The following TBC1D31 variants were observed in gnomAD, a reference collection of about 807,000 sequenced individuals.
TBC1D31 encodes the protein WD repeat domain 67.
In TBC1D31, 99 loss-of-function variants were observed where a neutral mutation model predicts 132.9. The ratio of observed to expected loss-of-function variants is 0.74; its 90% CI spans 0.63 to 0.88. TBC1D31 has a LOEUF of 0.88. Among genes scored for constraint, TBC1D31 ranks in the 40% least tolerant of loss-of-function variants. The pLI is 0.00. For missense variants in TBC1D31, 1,134 were observed against 1,256.6 expected (o/e 0.90, Z 1.48); for synonymous variants, 385 against 419.4 (o/e 0.92, Z 1.00).
At chr8:123,100,358 C>G (rs1273472805) in intron 6 of TBC1D31, among the ~76,000 whole-genome samples, 3 of 152,062 alleles carry the variant, frequency 2.0e-5, no homozygotes, top group African/African-American at 7.2e-5. Flanking sequence ...GGCAGATCAC[C>G]TGACATCAGG....
intron 7 of TBC1D31, chr8:123,102,459 C>A: frequency 2.9e-6 from 1 of 342,994 alleles, no homozygotes; most frequent in East Asian, 7.8e-5. Context: ...TAAGAATGTA[C>A]AGAATAGCAA....
intron 10 of TBC1D31, among the ~76,000 whole-genome samples, chr8:123,117,983 T>C (rs1021332535): frequency 2.0e-5 from 3 of 152,194 alleles, no homozygotes; most frequent in African/African-American, 7.2e-5. Context: ...TGCACATCAC[T>C]TTTGTGATAT....
chr8:123,088,090 G>A (rs1815958931), intron 4 of TBC1D31, among the ~76,000 whole-genome samples: 1 of 151,986 alleles, frequency 6.6e-6, no homozygotes, highest in Non-Finnish European at 1.5e-5. Flanking sequence ...TGGGGAGGCT[G>A]AGGCAGAAGA....
chr8:123,141,844 CTTTTTTTTTTTTTT>C lies in TBC1D31; in HGVS notation c.2641-400_2641-387del, dbSNP rs1160750679. ...GTAAATTAGAGTCACTTGAAGAGCT[CTTTTTTTTTTTTTT>C]TTTTTTTTTTTTTTTTTGTAGAGAT... On this transcript the variant is annotated intron_variant, in intron 18 of 21. Coordinates refer to ENST00000287380, the MANE Select transcript of TBC1D31 (RefSeq NM_145647.4). Among the ~76,000 whole-genome samples, 14 of 52,070 alleles carry C rather than the reference CTTTTTTTTTTTTTT, an allele frequency of 2.7e-4. No homozygotes were observed. In the South Asian group the frequency reaches 0.01, roughly 37 times the overall value. The allele number at this position is 52,070 out of a possible 152,430, so 34.2% of individuals were successfully genotyped here.
intron 8 of TBC1D31, 51 bp downstream of exon 8, chr8:123,105,515 C>A: frequency 6.9e-7 from 1 of 1,456,288 alleles, no homozygotes; most frequent in Non-Finnish European, 9.3e-7. Context: ...GTAGACAAGT[C>A]TTGTGATTTC....
Position 123,142,429 on chromosome 8 carries a change from T to A in TBC1D31, c.2808T>A (p.Asn936Lys). The stretch of plus-strand genomic sequence containing the variant: ...GAAGGAAAGAAATAGAGATAATAAA[T>A]GCAATGGTGGAGGAGGAAGCCAAGA... ...ENRRKEIEII[N>K]AMVEEEAKKW... Residue 936 changes from asparagine (N) to lysine (K), a missense_variant, in exon 19 of 22, where the codon AAT (asparagine) becomes AAA (lysine). Physicochemically the swap from Asn to Lys is moderately conservative, Grantham distance 94. Coordinates refer to ENST00000287380, the MANE Select transcript of TBC1D31 (RefSeq NM_145647.4). The A allele has an allele frequency of 6.3e-7, 1 of 1,592,998 alleles. No individual in the cohort carries two copies. The highest frequency in any genetic ancestry group is 1.2e-5 in the South Asian group (1 of 86,940).
chr8:123,134,573 A>C (rs1179889409), intron 17 of TBC1D31, among the ~76,000 whole-genome samples: 1 of 152,146 alleles, frequency 6.6e-6, no homozygotes, highest in Non-Finnish European at 1.5e-5. Context: ...GTATAAGCCC[A>C]TTTTAGACTG....
chr8:123,087,914 G>A (rs1815933905), intron 4 of TBC1D31, among the ~76,000 whole-genome samples: 1 of 152,226 alleles, frequency 6.6e-6, no homozygotes, highest in South Asian at 2.1e-4. Context: ...CGGGTACGGG[G>A]GCTTACGCCT....
At chr8:123,084,364 T>G in intron 4 of TBC1D31, 24 bp downstream of exon 4, 1 of 1,608,062 alleles carries the variant, frequency 6.2e-7, no homozygotes, top group Non-Finnish European at 8.5e-7. Context: ...TACATCTTGG[T>G]CTGTTGTGCT....
At chr8:123,148,532 G>A (rs1340987897) in intron 20 of TBC1D31, among the ~76,000 whole-genome samples, 1 of 151,636 alleles carries the variant, frequency 6.6e-6, no homozygotes, top group Non-Finnish European at 1.5e-5. Context: ...GAGCCCAGGA[G>A]TTCAAGACCA....
In TBC1D31 at chr8:123,082,600, A is replaced by G. The variant is rs150696820; in HGVS notation, c.225-102A>G. On this transcript the variant is annotated intron_variant, in intron 2 of 21. Transcript: ENST00000287380. Reference sequence around the variant, plus strand: ...TATTTTTGGCCTAAAATGGTAGCTCATTTTTCTGGGTTTCATTTTCTTCGT... The same window carrying G: ...TATTTTTGGCCTAAAATGGTAGCTCGTTTTTCTGGGTTTCATTTTCTTCGT... The G allele has an allele frequency of 6.6e-5, 52 of 791,920 alleles. No individual in the cohort carries two copies. In the East Asian group the frequency reaches 1.3e-3, roughly 20 times the overall value. The allele number at this position is 791,920 out of a possible 1,614,324, so 49.1% of individuals were successfully genotyped here.
At chr8:123,149,968 C>T in intron 20 of TBC1D31, 68 bp from the exon 21 acceptor site, 1 of 1,095,088 alleles carries the variant, frequency 9.1e-7, no homozygotes, top group East Asian at 2.4e-5. Context: ...TACTAGGGAC[C>T]ATTTGGAATT....
chr8:123,150,948 C>T (rs897113380), intron 21 of TBC1D31, among the ~76,000 whole-genome samples: 4 of 152,142 alleles, frequency 2.6e-5, no homozygotes, highest in East Asian at 3.8e-4. Context: ...CCCAAAAAGA[C>T]GAGCTTTATA....
At position 123,142,249 on chromosome 8, in the gene TBC1D31, AACT is replaced by A. The variant is rs1333675403; in HGVS notation, c.2641-12_2641-10del. On this transcript the variant is annotated splice_polypyrimidine_tract_variant and intron_variant, in intron 18 of 21. Coordinates refer to ENST00000287380, the MANE Select transcript of TBC1D31 (RefSeq NM_145647.4). ...GTTTGACCTTGTTTCTGAAATGTAT[AACT>A]TTTTCCTAGGTGATTAAAGAAAATT... 5 of 1,554,644 alleles carry A rather than the reference AACT, an allele frequency of 3.2e-6. No homozygotes were observed. Among genetic ancestry groups the A allele is most frequent in the Non-Finnish European group, 4.3e-6 (5 of 1,154,572 alleles).
chr8:123,106,644 TC>T (rs1236671300), intron 8 of TBC1D31, among the ~76,000 whole-genome samples: 1 of 152,188 alleles, frequency 6.6e-6, no homozygotes, highest in Non-Finnish European at 1.5e-5. Context: ...ACTTCTTTTT[TC>T]TTTAAGCATT....
chr8:123,093,224 C>T (rs1438660476), intron 4 of TBC1D31, among the ~76,000 whole-genome samples: 1 of 152,142 alleles, frequency 6.6e-6, no homozygotes, highest in Admixed American at 6.6e-5. Flanking sequence ...GCTGGGATTA[C>T]AGGTGTGAGC....
intron 11 of TBC1D31, among the ~76,000 whole-genome samples, chr8:123,120,648 GGCAAGACAGA>G (rs1819388360): frequency 6.6e-6 from 1 of 151,856 alleles, no homozygotes; most frequent in African/African-American, 2.4e-5. Flanking sequence ...CTCCAGCCTG[GGCAAGACAGA>G]GCAAGACCCC....
intron 15 of TBC1D31, 132 bp from the exon 16 acceptor site, chr8:123,130,066 T>C (rs985188080): frequency 4.4e-6 from 4 of 910,398 alleles, no homozygotes; most frequent in Middle Eastern, 2.6e-4. Flanking sequence ...GGTGGAGCAG[T>C]TCTCGCATTC....
Position 123,150,042 on chromosome 8 carries a change from C to T in TBC1D31, c.2981C>T (p.Pro994Leu), listed in dbSNP as rs1438744083. The T allele has an allele frequency of 3.7e-6, 6 of 1,613,550 alleles. No homozygotes were observed. Among genetic ancestry groups the T allele is most frequent in the Admixed American group, 3.3e-5 (2 of 59,990 alleles). ...CTCCTCACTTTTATAACAGAAGAACCCAGGTTCCAAAATGAACAGGACTCA... is the reference window on the plus strand; with the variant it reads ...CTCCTCACTTTTATAACAGAAGAACTCAGGTTCCAAAATGAACAGGACTCA... ...HAENPCHKEE[P>L]RFQNEQDSSC... The change falls in exon 21 of 22, where the codon CCC becomes CTC. Residue 994 changes from proline (P) to leucine (L), a missense_variant. Transcript: ENST00000287380.
Sources: gnomAD v4.1 joint callset for allele counts (sites outside exome capture counted in the v4.1 genomes callset) on GRCh38, gnomAD v4.1.1 for gene constraint, MANE v1.5 for transcripts, NCBI Gene and HGNC (gene_info 2026-07-23, HGNC 2026-07-21) for gene names.